The following SKAP2 variants were observed in gnomAD, a reference collection of about 807,000 sequenced individuals.
The protein encoded by SKAP2 is src kinase-associated phosphoprotein 2.
In SKAP2, 28 loss-of-function variants were observed where a neutral mutation model predicts 54.9. The observed-to-expected ratio is 0.51, with a 90% CI of 0.38 to 0.70. The LOEUF (loss-of-function observed/expected upper bound fraction) is 0.70. Among genes scored for constraint, SKAP2 ranks in the 30% least tolerant of loss-of-function variants. The pLI is 0.00. For missense variants in SKAP2, 356 were observed against 424.1 expected, an observed-to-expected ratio of 0.84 and a Z score of 1.41; for synonymous variants, 137 against 134.3, an observed-to-expected ratio of 1.02 and a Z score of -0.14.
At chr7:26,853,493 G>A (rs1785091753) in intron 3 of SKAP2, among the ~76,000 whole-genome samples, 1 of 152,108 alleles carries the variant, frequency 6.6e-6, no homozygotes, top group South Asian at 2.1e-4. Context: ...CTGCTAAGCA[G>A]CTGTCTCTCA....
At chr7:26,702,059 T>A (rs777984520) in intron 9 of SKAP2, among the ~76,000 whole-genome samples, 6 of 152,220 alleles carry the variant, frequency 3.9e-5, no homozygotes, top group African/African-American at 7.2e-5. Flanking sequence ...TTTCCACAAT[T>A]AAAAGTGGAC....
chr7:26,851,216 G>C (rs575066587), intron 3 of SKAP2, among the ~76,000 whole-genome samples: 2 of 142,874 alleles, frequency 1.4e-5, no homozygotes, highest in Admixed American at 7.3e-5. Flanking sequence ...CCAGGAACTC[G>C]AGACCAGTCT....
chr7:26,854,903 A>G lies in SKAP2; in HGVS notation c.68-13T>C. On this transcript the variant is annotated splice_polypyrimidine_tract_variant and intron_variant, in intron 1 of 12. Transcript: ENST00000345317. ...AATGTTTCAACATCTAAACCATGCAATATAAGAAACAGGATACAAATTATA... is the reference window on the plus strand; with the variant it reads ...AATGTTTCAACATCTAAACCATGCAGTATAAGAAACAGGATACAAATTATA... 1 of 1,524,922 alleles carries G rather than the reference A, an allele frequency of 6.6e-7. No individual in the cohort carries two copies. The highest frequency in any genetic ancestry group is 9.0e-7 in the Non-Finnish European group (1 of 1,115,058). 94.5% of individuals were successfully genotyped at this position (1,524,922 alleles called of 1,614,324 possible). A position where few individuals can be genotyped will look rare whatever the true frequency, so the allele number is the denominator to read the frequency against.
At chr7:26,683,999 T>C (rs1046624201) in intron 11 of SKAP2, among the ~76,000 whole-genome samples, 15 of 152,054 alleles carry the variant, frequency 9.9e-5, no homozygotes, top group African/African-American at 3.1e-4. Flanking sequence ...CATATTACGA[T>C]AGGGGAAATT....
chr7:26,706,221 G>C (rs1584342247), intron 9 of SKAP2, among the ~76,000 whole-genome samples: 1 of 152,112 alleles, frequency 6.6e-6, no homozygotes, highest in East Asian at 1.9e-4. Flanking sequence ...GTTTTTATTA[G>C]TTTGAATAAA....
chr7:26,748,186 T>C (rs2127965241), intron 4 of SKAP2, among the ~76,000 whole-genome samples: 1 of 152,236 alleles, frequency 6.6e-6, no homozygotes, highest in Non-Finnish European at 1.5e-5. Context: ...TAAAAGTAGA[T>C]GTGAAAAAAA....
intron 1 of SKAP2, among the ~76,000 whole-genome samples, chr7:26,859,491 C>G (rs932006621): frequency 1.3e-5 from 2 of 152,162 alleles, no homozygotes; most frequent in African/African-American, 4.8e-5. Context: ...GAACTGTGGA[C>G]TTTTCAAACA....
intron 4 of SKAP2, among the ~76,000 whole-genome samples, chr7:26,841,727 T>G (rs1207330713): frequency 6.6e-6 from 1 of 152,034 alleles, no homozygotes; most frequent in Admixed American, 6.6e-5. Flanking sequence ...CATAGAGATG[T>G]GCAGGTTTGA....
chr7:26,666,154 G>A (rs1010483640), downstream of SKAP2, among the ~76,000 whole-genome samples: 1 of 151,994 alleles, frequency 6.6e-6, no homozygotes, highest in African/African-American at 2.4e-5. Flanking sequence ...AGAAGCAAAA[G>A]TGATCTCTAT....
intron 4 of SKAP2, among the ~76,000 whole-genome samples, chr7:26,838,379 A>G (rs1784755917): frequency 6.6e-6 from 1 of 152,080 alleles, no homozygotes; most frequent in Non-Finnish European, 1.5e-5. Flanking sequence ...CCACCATTCA[A>G]TTTACTAATT....
Position 26,827,521 on chromosome 7 carries a change from C to T in SKAP2, c.307+16509G>A, listed in dbSNP as rs78213247. ...AAACCTAAACATTTAAATTAAAATA[C>T]GACTATGGCTATGGAGGAAGATACA... On this transcript the variant is annotated intron_variant, in intron 4 of 12. Coordinates refer to ENST00000345317, the MANE Select transcript of SKAP2 (RefSeq NM_003930.5). Among the ~76,000 whole-genome samples the T allele has an allele frequency of 6.8e-3, 1,036 of 152,120 alleles. 12 individuals are homozygous for T. The highest frequency in any genetic ancestry group is 0.037 in the Middle Eastern group (11 of 294).
intron 4 of SKAP2, among the ~76,000 whole-genome samples, chr7:26,819,666 T>C (rs113782588): frequency 3.3e-5 from 5 of 152,332 alleles, no homozygotes; most frequent in African/African-American, 1.2e-4. Context: ...AATGTTAATT[T>C]TTCAATGCCT....
chr7:26,853,024 G>T (rs1562636505), intron 3 of SKAP2, among the ~76,000 whole-genome samples: 1 of 151,976 alleles, frequency 6.6e-6, no homozygotes, highest in South Asian at 2.1e-4. Context: ...TACTTACAGG[G>T]AATAGTTTCC....
chr7:26,813,898 A>G (rs1297141163), intron 4 of SKAP2, among the ~76,000 whole-genome samples: 1 of 152,220 alleles, frequency 6.6e-6, no homozygotes. Context: ...ATTCGAAAGA[A>G]AAATGTTCTA....
At chr7:26,734,128 A>C (rs777932262) in intron 6 of SKAP2, among the ~76,000 whole-genome samples, 1 of 152,178 alleles carries the variant, frequency 6.6e-6, no homozygotes, top group Non-Finnish European at 1.5e-5. Context: ...GGAGGCAGAG[A>C]GATCTGCATT....
chr7:26,696,384 T>G (rs538756629), intron 9 of SKAP2, among the ~76,000 whole-genome samples: 1 of 152,318 alleles, frequency 6.6e-6, no homozygotes, highest in South Asian at 2.1e-4. Context: ...GCTCTGTTAC[T>G]CACATAAACT....
intron 9 of SKAP2, among the ~76,000 whole-genome samples, chr7:26,707,330 A>G (rs1724001788): frequency 6.6e-6 from 1 of 152,060 alleles, no homozygotes; most frequent in South Asian, 2.1e-4. Flanking sequence ...ACTGCACTCC[A>G]GCCTGGGTGA....
intron 4 of SKAP2, among the ~76,000 whole-genome samples, chr7:26,741,066 GA>G (rs1782434582): frequency 6.6e-6 from 1 of 152,094 alleles, no homozygotes; most frequent in Non-Finnish European, 1.5e-5. Flanking sequence ...CCAATCAAAA[GA>G]AAGTTTGTAT....
chr7:26,694,793 T>A (rs1041604202), intron 9 of SKAP2, among the ~76,000 whole-genome samples: 29 of 152,130 alleles, frequency 1.9e-4, no homozygotes, highest in Non-Finnish European at 3.7e-4. Context: ...AGAAAAGGCT[T>A]ACTGTGGGAA....
Sources: allele counts gnomAD v4.1 joint callset (sites outside exome capture counted in the v4.1 genomes callset), GRCh38; gene constraint gnomAD v4.1.1; transcripts MANE v1.5; gene names NCBI Gene and HGNC (gene_info 2026-07-23, HGNC 2026-07-21).